CAMTA1: variants seen among roughly 807,000 people sequenced by gnomAD.
CAMTA1 encodes the protein calmodulin-binding transcription activator 1.
CAMTA1 carries 27 observed loss-of-function variants against 170.9 expected under a neutral mutation model. The ratio of observed to expected loss-of-function variants is 0.16; its 90% CI spans 0.12 to 0.22. The LOEUF (loss-of-function observed/expected upper bound fraction) is 0.22. Among genes scored for constraint, CAMTA1 ranks in the 10% least tolerant of loss-of-function variants. The pLI, the probability that CAMTA1 is intolerant of heterozygous loss-of-function variation, is 1.00. For missense variants in CAMTA1, 1,619 were observed against 2,217.2 expected, an observed-to-expected ratio of 0.73 and a Z score of 5.42; for synonymous variants, 833 against 891.5, an observed-to-expected ratio of 0.93 and a Z score of 1.17.
intron 3 of CAMTA1, among the ~76,000 whole-genome samples, chr1:7,009,406 T>A (rs1699474223): frequency 6.6e-6 from 1 of 152,144 alleles, no homozygotes; most frequent in Non-Finnish European, 1.5e-5. Context: ...AGGACCCAGG[T>A]CCAGCTCAGT....
chr1:6,995,340 C>T (rs530706117), intron 3 of CAMTA1, among the ~76,000 whole-genome samples: 5 of 109,874 alleles, frequency 4.6e-5, no homozygotes, highest in Non-Finnish European at 6.9e-5. Flanking sequence ...CTCACTCTGT[C>T]GCCAGGCTGG....
intron 6 of CAMTA1, among the ~76,000 whole-genome samples, chr1:7,468,379 G>T (rs1015963666): frequency 3.3e-5 from 5 of 152,246 alleles, no homozygotes; most frequent in African/African-American, 1.2e-4. Context: ...TAATCGATTT[G>T]TGATGTCTGC....
intron 4 of CAMTA1, among the ~76,000 whole-genome samples, chr1:7,205,074 A>G (rs970982977): frequency 1.3e-5 from 2 of 151,828 alleles, no homozygotes; most frequent in Non-Finnish European, 2.9e-5. Context: ...CGTGATCCAC[A>G]TGCCTCAGCC....
chr1:6,788,166 C>T (rs1263823820), intron 1 of CAMTA1, among the ~76,000 whole-genome samples: 32 of 149,372 alleles, frequency 2.1e-4, no homozygotes. Flanking sequence ...GGTCTCCCTC[C>T]CTCCCTCCCT....
In CAMTA1 at chr1:7,665,265, A is replaced by C. The variant is rs2149168986; in HGVS notation, c.2652+66A>C. The C allele has an allele frequency of 7.5e-7, 1 of 1,325,424 alleles. No homozygotes were observed. The highest frequency in any genetic ancestry group is 2.6e-5 in the East Asian group (1 of 38,704). The allele number at this position is 1,325,424 out of a possible 1,614,324, so 82.1% of individuals were successfully genotyped here. A position where few individuals can be genotyped will look rare whatever the true frequency, so the allele number is the denominator to read the frequency against. The stretch of plus-strand genomic sequence containing the variant: ...CACCCACCTCGCCAGCCCCTGCGCC[A>C]CCCTGCAGCTAAGGGATGCCTGTGG... On this transcript the variant is annotated intron_variant, in intron 9 of 22. Transcript: ENST00000303635. The surrounding 1 kb of genome is among the most constrained non-coding windows in gnomAD (Gnocchi z 4.3).
At chr1:7,468,530 G>A (rs967437678) in intron 6 of CAMTA1, among the ~76,000 whole-genome samples, 1 of 152,250 alleles carries the variant, frequency 6.6e-6, no homozygotes, top group African/African-American at 2.4e-5. Flanking sequence ...GGCCCACCTG[G>A]CCTCTTGCCC....
At chr1:7,511,760 TC>T (rs2094204534) in intron 6 of CAMTA1, among the ~76,000 whole-genome samples, 1 of 152,150 alleles carries the variant, frequency 6.6e-6, no homozygotes, top group Admixed American at 6.5e-5. Context: ...GCCAGGTGTT[TC>T]CCGTGGCTGG....
chr1:6,876,712 G>A (rs1023783170), intron 3 of CAMTA1, among the ~76,000 whole-genome samples: 1 of 152,120 alleles, frequency 6.6e-6, no homozygotes, highest in African/African-American at 2.4e-5. Flanking sequence ...AAAGAAGTAG[G>A]TACTGCCCGT....
chr1:7,582,925 G>A (rs1408641063), intron 6 of CAMTA1, among the ~76,000 whole-genome samples: 4 of 151,914 alleles, frequency 2.6e-5, no homozygotes, highest in African/African-American at 4.8e-5. Flanking sequence ...ACCCTGGCCC[G>A]TCCTCTCTCA....
At chr1:7,125,325 T>A (rs115241646) in intron 4 of CAMTA1, among the ~76,000 whole-genome samples, 1,563 of 152,268 alleles carry the variant, frequency 0.01, 19 homozygotes, top group South Asian at 0.049. Context: ...CATTCATCCA[T>A]TCATCAGGTG....
chr1:7,493,239 TCA>T (rs2093758637), intron 6 of CAMTA1, among the ~76,000 whole-genome samples: 1 of 104,022 alleles, frequency 9.6e-6, no homozygotes, highest in South Asian at 3.2e-4. Flanking sequence ...AAACGTACAA[TCA>T]CGCACACACA....
intron 3 of CAMTA1, among the ~76,000 whole-genome samples, chr1:7,002,480 C>T (rs1698368046): frequency 6.6e-6 from 1 of 152,168 alleles, no homozygotes; most frequent in Admixed American, 6.6e-5. Context: ...TGTGTGTTGG[C>T]CCACCAGAAT....
intron 5 of CAMTA1, among the ~76,000 whole-genome samples, chr1:7,335,277 T>G (rs1331237464): frequency 6.8e-6 from 1 of 146,972 alleles, no homozygotes; most frequent in Non-Finnish European, 1.5e-5. Context: ...CGGTTTGCCT[T>G]GCAAAGCTGA....
At position 7,299,980 on chromosome 1, in the gene CAMTA1, A is replaced by AT. The variant is rs1388143413; in HGVS notation, c.438+50356dup. Among the ~76,000 whole-genome samples the AT allele has an allele frequency of 2.0e-5, 3 of 152,196 alleles. No homozygotes were observed. The highest frequency in any genetic ancestry group is 4.4e-5 in the Non-Finnish European group (3 of 68,028). ...TCCTAGCAACCCTGACTGTGGTCTG[A>AT]TTCCTTTAAGATCCAGAACAACTGC... On this transcript the variant is annotated intron_variant, in intron 5 of 22. Coordinates refer to ENST00000303635, the MANE Select transcript of CAMTA1 (RefSeq NM_015215.4). The surrounding 1 kb of genome is among the most constrained non-coding windows in gnomAD (Gnocchi z 4.7).
intron 4 of CAMTA1, among the ~76,000 whole-genome samples, chr1:7,213,196 T>C (rs1038321877): frequency 2.6e-5 from 4 of 152,338 alleles, no homozygotes; most frequent in African/African-American, 9.6e-5. Flanking sequence ...AAAGCACTTT[T>C]CAAAGTAGCC....
At chr1:7,316,739 C>A (rs1157842301) in intron 5 of CAMTA1, among the ~76,000 whole-genome samples, 1 of 152,100 alleles carries the variant, frequency 6.6e-6, no homozygotes, top group African/African-American at 2.4e-5. Flanking sequence ...ACACGAACAG[C>A]CTGTGCTGAG....
At chr1:6,955,045 T>C (rs884736) in intron 3 of CAMTA1, among the ~76,000 whole-genome samples, 94,377 of 151,794 alleles carry the variant, frequency 0.62, 29,953 homozygotes, top group East Asian at 0.83. Flanking sequence ...AATTTTTGTC[T>C]GCGGCTCTGG....
At chr1:7,394,554 CTGAGTTA>C (rs2089079660) in intron 5 of CAMTA1, among the ~76,000 whole-genome samples, 3 of 152,126 alleles carry the variant, frequency 2.0e-5, no homozygotes, top group African/African-American at 2.4e-5. Context: ...TTTCTTGCTA[CTGAGTTA>C]TTTGAGTTCC....
intron 3 of CAMTA1, among the ~76,000 whole-genome samples, chr1:7,056,808 G>C (rs1015810861): frequency 1.3e-5 from 2 of 152,182 alleles, no homozygotes; most frequent in African/African-American, 4.8e-5. Context: ...TTTCAAAGGA[G>C]TTTTGACAGG....
Sources: allele counts gnomAD v4.1 joint callset (sites outside exome capture counted in the v4.1 genomes callset), GRCh38; gene constraint gnomAD v4.1.1; non-coding constraint Gnocchi (gnomAD v3.1); transcripts MANE v1.5; gene names NCBI Gene and HGNC (gene_info 2026-07-23, HGNC 2026-07-21).